The following KAT6B variants were observed in gnomAD, a reference collection of about 807,000 sequenced individuals.
KAT6B encodes the protein lysine acetyltransferase 6B, also known as histone acetyltransferase KAT6B.
In KAT6B, 10 loss-of-function variants were observed where a neutral mutation model predicts 187.5. The observed-to-expected ratio is 0.05, with a 90% CI of 0.03 to 0.09. The LOEUF (loss-of-function observed/expected upper bound fraction) is 0.09, where lower values mean the gene tolerates loss of function less well. Among genes scored for constraint, KAT6B ranks in the 10% least tolerant of loss-of-function variants. The pLI, the probability that KAT6B is intolerant of heterozygous loss-of-function variation, is 1.00. For missense variants in KAT6B, 1,952 were observed against 2,558.9 expected (o/e 0.76, Z 5.12); for synonymous variants, 861 against 926.8 (o/e 0.93, Z 1.29).
intron 3 of KAT6B, among the ~76,000 whole-genome samples, chr10:74,869,848 C>T (rs911084688): frequency 2.0e-5 from 3 of 152,306 alleles, no homozygotes; most frequent in Non-Finnish European, 2.9e-5. Context: ...TTCTGTTTAT[C>T]TGTTACCTCA....
intron 3 of KAT6B, among the ~76,000 whole-genome samples, chr10:74,869,261 CAT>C (rs1320425265): frequency 6.6e-6 from 1 of 151,604 alleles, no homozygotes; most frequent in African/African-American, 2.4e-5. Flanking sequence ...TTTTTTTAAA[CAT>C]AGTGTTATTT....
intron 3 of KAT6B, among the ~76,000 whole-genome samples, chr10:74,880,579 A>G (rs1844772814): frequency 6.6e-6 from 1 of 152,148 alleles, no homozygotes; most frequent in Admixed American, 6.5e-5. Flanking sequence ...TCTTGGCTGT[A>G]TACCTAGCAG....
rs1415303618 is a variant in KAT6B at position 75,031,077 on chromosome 10, G to T, written c.*31G>T. On this transcript the variant is annotated 3_prime_UTR_variant, in exon 18 of 18. Transcript: ENST00000287239. ...GTGGGCAGTCCACAAAACCTACGGG[G>T]CATCACTATTGGATTGATCTGCACA... 6.2e-7 allele frequency: 1 copy of T among 1,612,152 alleles called. No homozygotes were observed.
At chr10:74,851,360 A>T (rs1433094255) in intron 3 of KAT6B, among the ~76,000 whole-genome samples, 1 of 114,552 alleles carries the variant, frequency 8.7e-6, no homozygotes, top group Non-Finnish European at 1.7e-5. Context: ...TTGGAGATGG[A>T]GTCTTGCTAT....
chr10:74,947,062 C>T (rs1020695216), intron 3 of KAT6B, among the ~76,000 whole-genome samples: 3 of 152,060 alleles, frequency 2.0e-5, no homozygotes, highest in Non-Finnish European at 4.4e-5. Context: ...TTCAGTGGCA[C>T]GATCTTGGCT....
chr10:74,894,809 G>A (rs1413495348), intron 3 of KAT6B, among the ~76,000 whole-genome samples: 2 of 152,066 alleles, frequency 1.3e-5, no homozygotes, highest in Admixed American at 1.3e-4. Flanking sequence ...GCTTTATCTA[G>A]TTGTCTGTTG....
At chr10:74,896,588 C>T (rs1846009002) in intron 3 of KAT6B, among the ~76,000 whole-genome samples, 1 of 152,236 alleles carries the variant, frequency 6.6e-6, no homozygotes, top group Admixed American at 6.5e-5. Flanking sequence ...CAACACCCGG[C>T]CTATTTGTGT....
At position 75,012,097 on chromosome 10, in the gene KAT6B, A is replaced by G. The variant is rs1844646938; in HGVS notation, c.2630-8485A>G. 2.0e-5 allele frequency among the ~76,000 whole-genome samples: 3 copies of G among 152,320 alleles called. No homozygotes were observed. The South Asian group carries it at 6.2e-4, about 32-fold the overall frequency. ...ACATCTGTGGCTTTTTAAAGCCCCA[A>G]GTGAGTCTGATGTGCAGGCAGGGTC... On this transcript the variant is annotated intron_variant, in intron 13 of 17. Transcript: ENST00000287239.
chr10:75,015,582 C>T (rs1293073566), intron 13 of KAT6B, among the ~76,000 whole-genome samples: 2 of 152,204 alleles, frequency 1.3e-5, no homozygotes, highest in Non-Finnish European at 2.9e-5. Context: ...CAGTGAATTG[C>T]CATCTCCAAG....
rs1845333259 is a variant in KAT6B, at chr10:75,020,714, A to C, written c.2762A>C (p.His921Pro). ...LEYLYHHHERHISIKAISRAT... is the reference protein window; with the variant it reads ...LEYLYHHHERPISIKAISRAT... The stretch of plus-strand genomic sequence containing the variant: ...TATCTCTACCACCACCATGAGAGGC[A>C]CATCAGCATCAAGGCAATTAGCAGA... Residue 921 changes from histidine to proline, a missense_variant, in exon 14 of 18, where the codon CAC (histidine) becomes CCC (proline). His to Pro is a moderately conservative substitution (Grantham distance 77, BLOSUM62 -2). This residue lies in a region of KAT6B where 758 missense variants were observed against 891.4 expected (regional missense o/e 0.85). Coordinates refer to ENST00000287239, the MANE Select transcript of KAT6B (RefSeq NM_012330.4). The C allele has an allele frequency of 1.9e-6, 3 of 1,613,510 alleles. No homozygotes were observed. The highest frequency in any genetic ancestry group is 2.5e-6 in the Non-Finnish European group (3 of 1,179,820).
At chr10:74,964,945 C>A (rs1346342343) in intron 4 of KAT6B, among the ~76,000 whole-genome samples, 1 of 152,228 alleles carries the variant, frequency 6.6e-6, no homozygotes, top group South Asian at 2.1e-4. Flanking sequence ...CCACTCAGAT[C>A]TGCTGTTATA....
chr10:74,925,581 A>G (rs559539638), intron 3 of KAT6B, among the ~76,000 whole-genome samples: 2 of 152,194 alleles, frequency 1.3e-5, no homozygotes, highest in Non-Finnish European at 2.9e-5. Flanking sequence ...ACAGAAAAAC[A>G]TAGGTTCTGT....
At chr10:74,989,184 A>G in intron 13 of KAT6B, 72 bp downstream of exon 13, 9 of 1,052,848 alleles carry the variant, frequency 8.5e-6, no homozygotes, top group Middle Eastern at 4.0e-4. Context: ...GTAAAATATA[A>G]AACTTTATTT....
At chr10:74,838,005 GAGA>G (rs774680901) in intron 1 of KAT6B, among the ~76,000 whole-genome samples, 1 of 152,102 alleles carries the variant, frequency 6.6e-6, no homozygotes, top group African/African-American at 2.4e-5. Flanking sequence ...TGGGGGAGGG[GAGA>G]AGGAGGATCC....
At chr10:74,872,302 A>G (rs1844052860) in intron 3 of KAT6B, among the ~76,000 whole-genome samples, 1 of 152,304 alleles carries the variant, frequency 6.6e-6, no homozygotes, top group South Asian at 2.1e-4. Context: ...TTGCATGACA[A>G]CTTGTGAGGA....
chr10:74,892,709 C>G (rs574476137), intron 3 of KAT6B, among the ~76,000 whole-genome samples: 12 of 152,188 alleles, frequency 7.9e-5, no homozygotes, highest in Admixed American at 1.3e-4. Context: ...TCAGAGATTA[C>G]GGTTGAATTC....
rs762502240 is a variant in KAT6B at position 74,973,641 on chromosome 10, C to G, written c.1061+1002C>G. ...AAATAGTATTCTCCCGCACCTTTAT[C>G]TCCTAAGAAGAAGTAAGAAATGCAG... is the stretch of plus-strand genomic sequence containing the variant. On this transcript the variant is annotated intron_variant, in intron 7 of 17. Coordinates refer to ENST00000287239, the MANE Select transcript of KAT6B (RefSeq NM_012330.4). Among the ~76,000 whole-genome samples, 5 of 152,306 alleles carry G rather than the reference C, an allele frequency of 3.3e-5. 1 individual carries two copies. The South Asian group carries it at 1.0e-3, about 32-fold the overall frequency.
chr10:74,968,875 C>T (rs754498839), intron 4 of KAT6B, among the ~76,000 whole-genome samples: 2 of 152,138 alleles, frequency 1.3e-5, no homozygotes, highest in African/African-American at 4.8e-5. Context: ...TGGCATTGCC[C>T]CTCAGGGTCT....
chr10:74,944,737 G>A (rs2133332134), intron 3 of KAT6B, among the ~76,000 whole-genome samples: 1 of 150,870 alleles, frequency 6.6e-6, no homozygotes, highest in South Asian at 2.1e-4. Flanking sequence ...TGAGCCCAGG[G>A]GGCGGAGCTT....
Sources: allele counts gnomAD v4.1 joint callset (sites outside exome capture counted in the v4.1 genomes callset), GRCh38; gene constraint gnomAD v4.1.1; regional missense constraint gnomAD v4.1.1; transcripts MANE v1.5; gene names NCBI Gene and HGNC (gene_info 2026-07-23, HGNC 2026-07-21).